The following CNTN1 variants were observed in gnomAD, a reference collection of about 807,000 sequenced individuals.
The protein encoded by CNTN1 is contactin-1.
CNTN1 carries 38 observed loss-of-function variants against 126.4 expected under a neutral mutation model. The ratio of observed to expected loss-of-function variants is 0.30; its 90% CI spans 0.23 to 0.39. The LOEUF (loss-of-function observed/expected upper bound fraction) is 0.39. Among genes scored for constraint, CNTN1 ranks in the 10% least tolerant of loss-of-function variants. The pLI, the probability that CNTN1 is intolerant of heterozygous loss-of-function variation, is 1.00. For synonymous variants in CNTN1, 413 were observed against 422.6 expected (o/e 0.98, Z 0.28); for missense variants, 1,009 against 1,248.4 (o/e 0.81, Z 2.89).
At chr12:40,795,318 CAT>C (rs1940385281) in intron 1 of CNTN1, among the ~76,000 whole-genome samples, 1 of 8,584 alleles carries the variant, frequency 1.2e-4, no homozygotes, top group African/African-American at 2.6e-4. Flanking sequence ...CACACACACA[CAT>C]TTTTTTTTTT....
At chr12:40,702,098 G>A (rs73108987) in intron 1 of CNTN1, among the ~76,000 whole-genome samples, 1,872 of 71,206 alleles carry the variant, frequency 0.026, 27 homozygotes, top group African/African-American at 0.08. Context: ...TTTTTGTATC[G>A]GATTTTTTTT....
intron 15 of CNTN1, chr12:40,972,210 A>G (rs879572420): frequency 7.1e-6 from 7 of 985,348 alleles, no homozygotes; most frequent in Non-Finnish European, 8.4e-6. Flanking sequence ...ATTTAATTTT[A>G]TTGACTCCTG....
intron 1 of CNTN1, among the ~76,000 whole-genome samples, chr12:40,711,357 A>C (rs1941908473): frequency 6.6e-6 from 1 of 151,926 alleles, no homozygotes; most frequent in African/African-American, 2.4e-5. Context: ...TCTTCCACCC[A>C]ATTTATTGTA....
At chr12:40,935,275 A>C (rs564667081) in intron 9 of CNTN1, among the ~76,000 whole-genome samples, 2 of 152,120 alleles carry the variant, frequency 1.3e-5, no homozygotes, top group Non-Finnish European at 2.9e-5. Flanking sequence ...TAAATCCACC[A>C]CTTTCTACTA....
intron 23 of CNTN1, among the ~76,000 whole-genome samples, chr12:41,041,330 A>C (rs1375900576): frequency 6.6e-6 from 1 of 152,190 alleles, no homozygotes; most frequent in Admixed American, 6.5e-5. Flanking sequence ...TATTTTATTG[A>C]GGATTTTTGC....
At chr12:40,793,261 G>T (rs1041494568) in intron 1 of CNTN1, among the ~76,000 whole-genome samples, 1 of 151,962 alleles carries the variant, frequency 6.6e-6, no homozygotes, top group Admixed American at 6.6e-5. Context: ...CCTCAGGATG[G>T]TATACAAACT....
chr12:40,693,700 G>A (rs1941367140), intron 1 of CNTN1, among the ~76,000 whole-genome samples: 1 of 152,134 alleles, frequency 6.6e-6, no homozygotes, highest in Non-Finnish European at 1.5e-5. Flanking sequence ...GCTATATATA[G>A]CTCCTGCATA....
intron 1 of CNTN1, among the ~76,000 whole-genome samples, chr12:40,763,973 A>G (rs1211757339): frequency 2.0e-5 from 3 of 151,968 alleles, no homozygotes; most frequent in African/African-American, 7.3e-5. Flanking sequence ...GGTGTAGGAG[A>G]TGGGGGCGGA....
At position 41,070,072 on chromosome 12, in the gene CNTN1, G is replaced by A; in HGVS notation, c.*37G>A. On this transcript the variant is annotated 3_prime_UTR_variant, in exon 24 of 24. Coordinates refer to ENST00000551295, the MANE Select transcript of CNTN1 (RefSeq NM_001843.4). Reference sequence around the variant, plus strand: ...CAGCTGCTGTTCCCATCCCAGCTCAGAAGACACCCTTCAACCCTGGGATGA... The same window carrying A: ...CAGCTGCTGTTCCCATCCCAGCTCAAAAGACACCCTTCAACCCTGGGATGA... The A allele has an allele frequency of 6.3e-7, 1 of 1,580,496 alleles. No individual in the cohort carries two copies. Among genetic ancestry groups the A allele is most frequent in the East Asian group, 2.2e-5 (1 of 44,706 alleles).
Position 41,041,901 on chromosome 12 carries a change from C to G in CNTN1, c.2980+12682C>G, listed in dbSNP as rs139494817. ...GCTTTAATTTTTTGAAGGGTTTTTT[C>G]TGTCTCTATTTCCTTCAGTTCTGCT... On this transcript the variant is annotated intron_variant, in intron 23 of 23. Coordinates refer to ENST00000551295, the MANE Select transcript of CNTN1 (RefSeq NM_001843.4). 4.1e-3 allele frequency among the ~76,000 whole-genome samples: 615 copies of G among 151,632 alleles called. 7 individuals are homozygous for G. The highest frequency in any genetic ancestry group is 0.014 in the African/African-American group (577 of 41,338).
At chr12:40,919,871 G>C (rs1311533240) in intron 4 of CNTN1, among the ~76,000 whole-genome samples, 1 of 151,988 alleles carries the variant, frequency 6.6e-6, no homozygotes, top group African/African-American at 2.4e-5. Context: ...TATTTGATGG[G>C]CTAGACTTAT....
intron 6 of CNTN1, among the ~76,000 whole-genome samples, chr12:40,927,109 C>T (rs1384459331): frequency 6.6e-6 from 1 of 151,888 alleles, no homozygotes; most frequent in Non-Finnish European, 1.5e-5. Flanking sequence ...ATGTGCTTAC[C>T]TAGACTTCTG....
intron 4 of CNTN1, among the ~76,000 whole-genome samples, chr12:40,921,777 C>T (rs546153941): frequency 6.6e-6 from 1 of 152,254 alleles, no homozygotes; most frequent in African/African-American, 2.4e-5. Context: ...GAATATGTCA[C>T]TTATTGAGCA....
intron 17 of CNTN1, among the ~76,000 whole-genome samples, chr12:41,000,102 T>C (rs1440092917): frequency 6.6e-6 from 1 of 152,172 alleles, no homozygotes; most frequent in Non-Finnish European, 1.5e-5. Flanking sequence ...TACAAAGTGC[T>C]TAAAAGAAAC....
chr12:40,956,889 A>G (rs755080969), intron 14 of CNTN1, among the ~76,000 whole-genome samples: 5 of 152,076 alleles, frequency 3.3e-5, no homozygotes, highest in Non-Finnish European at 1.5e-5. Flanking sequence ...GTAGTGATCA[A>G]ATAAGATGTA....
chr12:40,755,172 C>G (rs1283937061), intron 1 of CNTN1, among the ~76,000 whole-genome samples: 1 of 99,166 alleles, frequency 1.0e-5, no homozygotes, highest in Non-Finnish European at 1.9e-5. Flanking sequence ...TCCAGGGCAA[C>G]AGAGTGAGAC....
At chr12:40,913,577 G>T (rs1945125520) in intron 3 of CNTN1, among the ~76,000 whole-genome samples, 1 of 152,070 alleles carries the variant, frequency 6.6e-6, no homozygotes, top group African/African-American at 2.4e-5. Flanking sequence ...ATAATAGACT[G>T]GGAAGTGGAG....
intron 1 of CNTN1, chr12:40,729,272 G>T (rs114396439): frequency 0.014 from 2,211 of 163,212 alleles, 47 homozygotes; most frequent in African/African-American, 0.051. Flanking sequence ...GGTTAAGCCA[G>T]GTGTAACTGC....
intron 1 of CNTN1, among the ~76,000 whole-genome samples, chr12:40,871,809 G>A (rs150976466): frequency 6.6e-6 from 1 of 152,054 alleles, no homozygotes; most frequent in Non-Finnish European, 1.5e-5. Context: ...TTTGGCTGGA[G>A]GTTATTGTTG....
Sources: gnomAD v4.1 joint callset for allele counts (sites outside exome capture counted in the v4.1 genomes callset) on GRCh38, gnomAD v4.1.1 for gene constraint, MANE v1.5 for transcripts, NCBI Gene and HGNC (gene_info 2026-07-23, HGNC 2026-07-21) for gene names.